Variants in RPH3AL observed in about 807,000 individuals in gnomAD.
The protein encoded by RPH3AL is rab effector Noc2.
RPH3AL carries 38 observed loss-of-function variants against 43.1 expected under a neutral mutation model. The ratio of observed to expected loss-of-function variants is 0.88; its 90% CI spans 0.68 to 1.15. The LOEUF (loss-of-function observed/expected upper bound fraction) is 1.15, where lower values mean the gene tolerates loss of function less well. Ranked by LOEUF, RPH3AL falls within the 50% of genes most tolerant of loss-of-function variation. The probability of loss-of-function intolerance (pLI) is 0.00; values close to 1 mark genes in which losing one functional copy is unlikely to be tolerated. For synonymous variants in RPH3AL, 189 were observed against 176.3 expected, an observed-to-expected ratio of 1.07 and a Z score of -0.57; for missense variants, 462 against 423.2, an observed-to-expected ratio of 1.09 and a Z score of -0.81.
Position 283,921 on chromosome 17 carries a change from C to A in RPH3AL, c.352-2067G>T, listed in dbSNP as rs1378735451. 6.6e-6 allele frequency among the ~76,000 whole-genome samples: 1 copy of A among 152,308 alleles called. No individual in the cohort carries two copies. The highest frequency in any genetic ancestry group is 2.4e-5 in the African/African-American group (1 of 41,564). On this transcript the variant is annotated intron_variant, in intron 5 of 9. Coordinates refer to ENST00000331302, the MANE Select transcript of RPH3AL (RefSeq NM_006987.4). The surrounding 1 kb of genome is among the most constrained non-coding windows in gnomAD (Gnocchi z 4.2). ...TATGAGGTGGGCTCCAGAACCACAA[C>A]GTGGGCCTCTCCTCTCTGGGTAAAG...
At chr17:298,434 C>T (rs1463034935) in intron 5 of RPH3AL, among the ~76,000 whole-genome samples, 1 of 152,146 alleles carries the variant, frequency 6.6e-6, no homozygotes, top group Non-Finnish European at 1.5e-5. Flanking sequence ...CGGTGGCTCA[C>T]CCCTGTAATC....
At position 333,342 on chromosome 17, in the gene RPH3AL, C is replaced by T. The variant is rs1390043494; in HGVS notation, c.-37+417G>A. 16 of 1,250,390 alleles carry T rather than the reference C, an allele frequency of 1.3e-5. No individual in the cohort carries two copies. Among genetic ancestry groups the T allele is most frequent in the East Asian group, 5.7e-5 (1 of 17,614 alleles). The allele number at this position is 1,250,390 out of a possible 1,614,324, so 77.5% of individuals were successfully genotyped here. ...AAAGAGAAAACACCTTAAATTCTCACATCAGCCACCCCCATGGCGACTCTT... is the reference window on the plus strand; with the variant it reads ...AAAGAGAAAACACCTTAAATTCTCATATCAGCCACCCCCATGGCGACTCTT... On this transcript the variant is annotated intron_variant, in intron 2 of 9. Transcript: ENST00000331302. The surrounding 1 kb of genome is among the most constrained non-coding windows in gnomAD (Gnocchi z 4.5).
intron 7 of RPH3AL, among the ~76,000 whole-genome samples, chr17:228,322 CG>C (rs1236201335): frequency 6.6e-6 from 1 of 152,182 alleles, no homozygotes; most frequent in Non-Finnish European, 1.5e-5. Context: ...AGATTACAGG[CG>C]TGAGTGCCCG....
At chr17:293,252 G>T (rs555764734) in intron 5 of RPH3AL, among the ~76,000 whole-genome samples, 1 of 151,694 alleles carries the variant, frequency 6.6e-6, no homozygotes, top group Admixed American at 6.6e-5. Flanking sequence ...TCCTCCCTCC[G>T]CCTGCCACTC....
At chr17:237,456 C>T (rs1385214964) in intron 7 of RPH3AL, among the ~76,000 whole-genome samples, 18 of 152,160 alleles carry the variant, frequency 1.2e-4, no homozygotes, top group Admixed American at 9.2e-4. Context: ...CGGTGGAAGG[C>T]GGCAGGATTC....
At chr17:223,925 T>G (rs1203874408) in intron 7 of RPH3AL, among the ~76,000 whole-genome samples, 1 of 151,850 alleles carries the variant, frequency 6.6e-6, no homozygotes, top group African/African-American at 2.4e-5. Context: ...CAGCACACAG[T>G]AGGTTCACCC....
At chr17:232,770 G>A (rs866707996) in intron 7 of RPH3AL, among the ~76,000 whole-genome samples, 26 of 151,660 alleles carry the variant, frequency 1.7e-4, no homozygotes, top group African/African-American at 5.6e-4. Context: ...CTGTGGTGCC[G>A]TTCTCAGGTG....
intron 5 of RPH3AL, among the ~76,000 whole-genome samples, chr17:294,888 C>A (rs1312685630): frequency 1.0e-3 from 26 of 25,844 alleles, no homozygotes; most frequent in Admixed American, 9.0e-4. Context: ...CAGAAATGGA[C>A]AGCAGAGGGA....
intron 5 of RPH3AL, among the ~76,000 whole-genome samples, chr17:318,158 G>A (rs745809080): frequency 1.4e-4 from 22 of 152,144 alleles, no homozygotes; most frequent in African/African-American, 3.6e-4. Flanking sequence ...CGAGGCAGGC[G>A]GATCACCTGA....
intron 6 of RPH3AL, among the ~76,000 whole-genome samples, chr17:252,751 A>G (rs2041939381): frequency 6.6e-6 from 1 of 152,172 alleles, no homozygotes; most frequent in African/African-American, 2.4e-5. Flanking sequence ...AATGCTTGGG[A>G]CAGAAGTGCT....
intron 7 of RPH3AL, among the ~76,000 whole-genome samples, chr17:220,150 G>A (rs1443468299): frequency 5.3e-5 from 8 of 152,234 alleles, no homozygotes; most frequent in South Asian, 4.1e-4. Context: ...ACAGCTCTGA[G>A]GCCTCCACTC....
rs112472080 is a variant in RPH3AL at position 273,203 on chromosome 17, G to A, written c.438+8565C>T. 7.2e-4 allele frequency among the ~76,000 whole-genome samples: 31 copies of A among 42,854 alleles called. 2 individuals are homozygous for A. Among genetic ancestry groups the A allele is most frequent in the East Asian group, 1.3e-3 (2 of 1,492 alleles). 28.1% of individuals were successfully genotyped at this position (42,854 alleles called of 152,430 possible). On this transcript the variant is annotated intron_variant, in intron 6 of 9. Coordinates refer to ENST00000331302, the MANE Select transcript of RPH3AL (RefSeq NM_006987.4). ...GGTGACGTCAGGGAGAGACCCCAGC[G>A]AGGGTGACGTCAGGGTGAGACCCCA...
Position 321,385 on chromosome 17 carries a change from G to C in RPH3AL, c.108C>G (p.Tyr36Ter). 6.2e-7 allele frequency: 1 copy of C among 1,610,862 alleles called. No homozygotes were observed. Among genetic ancestry groups the C allele is most frequent in the Non-Finnish European group, 8.5e-7 (1 of 1,179,920 alleles). ...KLQTGWSVHT[Y>*]QTEKQRRKQH... Reference sequence around the variant, plus strand: ...GCTTCCTCCTCTGCTTCTCCGTCTGGTAGGTGTGCACGGACCAGCCCGTCT... The same window carrying C: ...GCTTCCTCCTCTGCTTCTCCGTCTGCTAGGTGTGCACGGACCAGCCCGTCT... The change falls in exon 4 of 10, where the codon TAC becomes TAG. Residue 36 changes from tyrosine to a stop codon, truncating the protein, a stop_gained. Transcript: ENST00000331302. LOFTEE classifies it high-confidence loss of function.
intron 3 of RPH3AL, among the ~76,000 whole-genome samples, chr17:326,389 C>T (rs1004502178): frequency 6.6e-6 from 1 of 152,216 alleles, no homozygotes; most frequent in South Asian, 2.1e-4. Flanking sequence ...TGCTTGCTCC[C>T]GTAATTGGCA....
intron 6 of RPH3AL, among the ~76,000 whole-genome samples, chr17:249,623 G>T (rs572358623): frequency 2.7e-5 from 4 of 146,642 alleles, no homozygotes; most frequent in Non-Finnish European, 4.5e-5. Flanking sequence ...TTCCCACCCC[G>T]CAAACTTCCT....
At chr17:235,264 GGGGTCGGCCGAGGCTCTA>G (rs2041341555) in intron 7 of RPH3AL, among the ~76,000 whole-genome samples, 1 of 145,344 alleles carries the variant, frequency 6.9e-6, no homozygotes. Context: ...GTCCAAAGCT[GGGGTCGGCCGAGGCTCTA>G]CACTAACAAG....
chr17:267,004 C>A (rs1194063705), intron 6 of RPH3AL, among the ~76,000 whole-genome samples: 1 of 152,214 alleles, frequency 6.6e-6, no homozygotes, highest in Non-Finnish European at 1.5e-5. Context: ...TGTAGCCCAG[C>A]CTCGGGGTCT....
In RPH3AL at chr17:225,276, G is replaced by T. The variant is rs1191607517; in HGVS notation, c.614-5540C>A. Among the ~76,000 whole-genome samples, 1 of 152,152 alleles carries T rather than the reference G, an allele frequency of 6.6e-6. No individual in the cohort carries two copies. Among genetic ancestry groups the T allele is most frequent in the Non-Finnish European group, 1.5e-5 (1 of 68,020 alleles). On this transcript the variant is annotated intron_variant, in intron 7 of 9. Transcript: ENST00000331302. The surrounding 1 kb of genome is among the most constrained non-coding windows in gnomAD (Gnocchi z 4.4). ...CGCAGCAAGAGGAGATGGGGATGGGGCATGGCTGTGGTCCGTGTGCCCTCT... is the reference window on the plus strand; with the variant it reads ...CGCAGCAAGAGGAGATGGGGATGGGTCATGGCTGTGGTCCGTGTGCCCTCT...
chr17:331,814 C>T (rs1170967072), intron 2 of RPH3AL: 1 of 1,289,194 alleles, frequency 7.8e-7, no homozygotes. Flanking sequence ...GTCCTGAAAA[C>T]TCCAGAGAGC....
Sources: allele counts gnomAD v4.1 joint callset (sites outside exome capture counted in the v4.1 genomes callset), GRCh38; gene constraint gnomAD v4.1.1; non-coding constraint Gnocchi (gnomAD v3.1); transcripts MANE v1.5; gene names NCBI Gene and HGNC (gene_info 2026-07-23, HGNC 2026-07-21).